Variants in FOXP1 observed in about 807,000 individuals in gnomAD.
FOXP1 encodes forkhead box protein P1.
A neutral mutation model predicts 98.2 loss-of-function variants in FOXP1; 15 were observed. That is an observed-to-expected ratio of 0.15 (90% CI 0.10 to 0.24). The LOEUF is 0.24. Ranked by LOEUF, FOXP1 falls within the 10% of genes least tolerant of loss-of-function variation. The pLI is 1.00. For missense variants in FOXP1, 633 were observed against 848.5 expected (o/e 0.75, Z 3.15); for synonymous variants, 371 against 314.5 (o/e 1.18, Z -1.90).
At chr3:71,147,270 A>G (rs1160282889) in intron 6 of FOXP1, among the ~76,000 whole-genome samples, 2 of 152,302 alleles carry the variant, frequency 1.3e-5, no homozygotes, top group East Asian at 1.9e-4. Context: ...ATTTTGTTGC[A>G]AAAGATTTTG....
chr3:71,195,175 T>C (rs1235151172), intron 6 of FOXP1, among the ~76,000 whole-genome samples: 2 of 152,196 alleles, frequency 1.3e-5, no homozygotes, highest in Non-Finnish European at 2.9e-5. Context: ...TTTCTCTAGG[T>C]TGTCAACTAA....
intron 3 of FOXP1, among the ~76,000 whole-genome samples, chr3:71,427,038 G>A (rs2084221454): frequency 6.7e-6 from 1 of 149,028 alleles, no homozygotes; most frequent in Admixed American, 6.7e-5. Context: ...TCTGGCCTGG[G>A]TGACAGAGCG....
At chr3:71,421,283 G>C (rs967073754) in intron 3 of FOXP1, among the ~76,000 whole-genome samples, 1 of 138,112 alleles carries the variant, frequency 7.2e-6, no homozygotes, top group South Asian at 2.2e-4. Flanking sequence ...CTGACATCAG[G>C]ATAAAAAAAA....
At chr3:71,455,286 A>T (rs1358240689) in intron 3 of FOXP1, among the ~76,000 whole-genome samples, 1 of 152,162 alleles carries the variant, frequency 6.6e-6, no homozygotes, top group African/African-American at 2.4e-5. Flanking sequence ...CCCTACGTAT[A>T]GACAACTTCA....
chr3:70,958,214 A>T lies in FOXP1; in HGVS notation c.*1033T>A, dbSNP rs2106833298. 6.4e-6 allele frequency: 3 copies of T among 471,770 alleles called. No individual in the cohort carries two copies. Among genetic ancestry groups the T allele is most frequent in the South Asian group, 3.7e-5 (2 of 53,742 alleles). 29.2% of individuals were successfully genotyped at this position (471,770 alleles called of 1,614,324 possible). ...GTTGCTGCAAAAAAAAAAAAAGAAA[A>T]GAAAAGAAAAAAAGAAAATCCGAAA... On this transcript the variant is annotated 3_prime_UTR_variant, in exon 21 of 21. Transcript: ENST00000649528.
intron 7 of FOXP1, among the ~76,000 whole-genome samples, chr3:71,109,252 T>C (rs539278335): frequency 1.3e-5 from 2 of 152,338 alleles, no homozygotes; most frequent in South Asian, 2.1e-4. Context: ...AAATTGGTGA[T>C]GTTTGACTAT....
At chr3:71,302,370 C>T (rs1389877982) in intron 4 of FOXP1, among the ~76,000 whole-genome samples, 1 of 152,046 alleles carries the variant, frequency 6.6e-6, no homozygotes, top group Non-Finnish European at 1.5e-5. Context: ...TTTTCCAAAG[C>T]ATACAACTTC....
chr3:71,446,036 G>GGTGA (rs34045911), intron 3 of FOXP1, among the ~76,000 whole-genome samples: 2,300 of 149,274 alleles, frequency 0.015, 25 homozygotes, highest in East Asian at 0.027. Flanking sequence ...ACAACTCATA[G>GGTGA]GTGAGTGAGT....
chr3:71,338,669 C>T (rs988780440), intron 4 of FOXP1, among the ~76,000 whole-genome samples: 3 of 152,238 alleles, frequency 2.0e-5, no homozygotes, highest in East Asian at 3.9e-4. Context: ...GAACCCGCCT[C>T]GGCCTCCCAA....
intron 4 of FOXP1, among the ~76,000 whole-genome samples, chr3:71,319,417 T>C (rs1025121321): frequency 3.9e-5 from 6 of 152,162 alleles, no homozygotes; most frequent in African/African-American, 9.7e-5. Flanking sequence ...CTAACTACTA[T>C]GCTAACTATG....
chr3:71,036,727 A>G (rs2047648056), intron 11 of FOXP1, among the ~76,000 whole-genome samples: 1 of 152,212 alleles, frequency 6.6e-6, no homozygotes, highest in Non-Finnish European at 1.5e-5. Context: ...GTTTCAGACC[A>G]AAATGATTTA....
chr3:71,422,942 C>T (rs1425086476), intron 3 of FOXP1, among the ~76,000 whole-genome samples: 2 of 152,096 alleles, frequency 1.3e-5, no homozygotes, highest in Non-Finnish European at 2.9e-5. Flanking sequence ...AATACAAACC[C>T]CCATGTGTAA....
At chr3:71,199,231 A>G (rs1304602800) in intron 5 of FOXP1, among the ~76,000 whole-genome samples, 1 of 151,778 alleles carries the variant, frequency 6.6e-6, no homozygotes, top group Admixed American at 6.6e-5. Context: ...CAGACTCCCA[A>G]GTAGCTGGGA....
chr3:71,534,584 T>G (rs1429902731), intron 2 of FOXP1, among the ~76,000 whole-genome samples: 1 of 152,242 alleles, frequency 6.6e-6, no homozygotes, highest in Admixed American at 6.5e-5. Flanking sequence ...GTAATTAAAC[T>G]TTAGTGTGGA....
intron 6 of FOXP1, among the ~76,000 whole-genome samples, chr3:71,120,711 A>C (rs2058699251): frequency 6.6e-6 from 1 of 152,182 alleles, no homozygotes; most frequent in South Asian, 2.1e-4. Flanking sequence ...GGTGGGGAAG[A>C]GGTAAAGGCC....
At chr3:70,988,805 A>T (rs1199574441) in intron 13 of FOXP1, among the ~76,000 whole-genome samples, 1 of 152,220 alleles carries the variant, frequency 6.6e-6, no homozygotes, top group Non-Finnish European at 1.5e-5. Context: ...GACTGCTTTA[A>T]CTCGATATTT....
chr3:71,321,857 T>C (rs1410024434), intron 4 of FOXP1, among the ~76,000 whole-genome samples: 1 of 152,156 alleles, frequency 6.6e-6, no homozygotes, highest in African/African-American at 2.4e-5. Flanking sequence ...TCCTGACCTG[T>C]GATCCGCCTG....
chr3:71,432,424 A>C (rs779579178), intron 3 of FOXP1, among the ~76,000 whole-genome samples: 3 of 152,080 alleles, frequency 2.0e-5, no homozygotes, highest in Non-Finnish European at 1.5e-5. Flanking sequence ...CTACATTCAA[A>C]GCACAATTGA....
chr3:71,280,044 A>G (rs1576737064), intron 5 of FOXP1, among the ~76,000 whole-genome samples: 1 of 149,030 alleles, frequency 6.7e-6, no homozygotes, highest in African/African-American at 2.5e-5. Flanking sequence ...AATGGCGTGA[A>G]CCCGGAAGTC....
Sources: gnomAD v4.1 joint callset for allele counts (sites outside exome capture counted in the v4.1 genomes callset) on GRCh38, gnomAD v4.1.1 for gene constraint, MANE v1.5 for transcripts, NCBI Gene and HGNC (gene_info 2026-07-23, HGNC 2026-07-21) for gene names.